The following ZC3H7B variants were observed in gnomAD, a reference collection of about 807,000 sequenced individuals.
The protein encoded by ZC3H7B is zinc finger CCCH domain-containing protein 7B.
Under a neutral mutation model 116.0 loss-of-function variants are expected in ZC3H7B, and 35 were observed. The ratio of observed to expected loss-of-function variants is 0.30; its 90% CI spans 0.23 to 0.40. The LOEUF is 0.40. Among genes scored for constraint, ZC3H7B ranks in the 10% least tolerant of loss-of-function variants. The pLI, the probability that ZC3H7B is intolerant of heterozygous loss-of-function variation, is 1.00. For missense variants in ZC3H7B, 1,011 were observed against 1,321.5 expected, an observed-to-expected ratio of 0.77 and a Z score of 3.64; for synonymous variants, 502 against 545.6, an observed-to-expected ratio of 0.92 and a Z score of 1.11.
intron 15 of ZC3H7B, among the ~76,000 whole-genome samples, chr22:41,348,571 G>T (rs534656346): frequency 9.9e-5 from 15 of 152,278 alleles, no homozygotes; most frequent in South Asian, 2.1e-4. Flanking sequence ...GTGAGGGGAG[G>T]CCTGGGTCAG....
At chr22:41,315,479 C>T (rs777843348) in intron 1 of ZC3H7B, among the ~76,000 whole-genome samples, 1 of 151,758 alleles carries the variant, frequency 6.6e-6, no homozygotes, top group African/African-American at 2.4e-5. Context: ...TAAGCCCAGC[C>T]GTACCTCCCT....
At chr22:41,344,023 T>A (rs2036555846) in intron 13 of ZC3H7B, among the ~76,000 whole-genome samples, 1 of 152,226 alleles carries the variant, frequency 6.6e-6, no homozygotes, top group African/African-American at 2.4e-5. Context: ...TGTCCTCATT[T>A]CTGGCTCACA....
At chr22:41,312,842 T>A (rs1399620053) in intron 1 of ZC3H7B, among the ~76,000 whole-genome samples, 1 of 151,870 alleles carries the variant, frequency 6.6e-6, no homozygotes. Context: ...GCCTGGGAGG[T>A]CGAGTTTGAA....
At chr22:41,308,727 G>A (rs961136332) in intron 1 of ZC3H7B, among the ~76,000 whole-genome samples, 5 of 152,196 alleles carry the variant, frequency 3.3e-5, no homozygotes, top group Non-Finnish European at 5.9e-5. Flanking sequence ...ACACAGCCCT[G>A]GCTCCCGGCA....
intron 6 of ZC3H7B, among the ~76,000 whole-genome samples, chr22:41,331,148 C>T (rs1338495188): frequency 2.7e-5 from 4 of 147,662 alleles, no homozygotes; most frequent in African/African-American, 9.9e-5. Context: ...TGAGCCACCG[C>T]GCCCAGCTGA....
At position 41,339,203 on chromosome 22, in the gene ZC3H7B, C is replaced by T. The variant is rs1601785154; in HGVS notation, c.816+12C>T. 2 of 1,597,998 alleles carry T rather than the reference C, an allele frequency of 1.3e-6. No homozygotes were observed. Among genetic ancestry groups the T allele is most frequent in the South Asian group, 2.3e-5 (2 of 87,994 alleles). On this transcript the variant is annotated intron_variant, in intron 9 of 22. Transcript: ENST00000352645. Reference sequence around the variant, plus strand: ...TCCTGGACTCGCTGGTGAGCCACACCACCCTCCTTGTGCTCCCCTGATCCC... The same window carrying T: ...TCCTGGACTCGCTGGTGAGCCACACTACCCTCCTTGTGCTCCCCTGATCCC...
chr22:41,339,738 C>T (rs1569239346), intron 9 of ZC3H7B, 78 bp from the exon 10 acceptor site: 1 of 1,408,524 alleles, frequency 7.1e-7, no homozygotes, highest in East Asian at 2.3e-5. Flanking sequence ...GGTCTCCTTG[C>T]TTCCCCAAGT....
Position 41,340,096 on chromosome 22 carries a change from G to T in ZC3H7B, c.1097G>T (p.Gly366Val). The change falls in exon 10 of 23, where the codon GGG becomes GTG. Residue 366 changes from glycine to valine, a missense_variant. Around this residue, in one of 5 missense-constraint regions of ZC3H7B, gnomAD observed 99 missense variants for 89.5 expected, o/e 1.11. Coordinates refer to ENST00000352645, the MANE Select transcript of ZC3H7B (RefSeq NM_017590.6). ...CGGCTGGATGCACTCGACAGCTTTG[G>T]GTCGACACGAGGCTCCCTGGACAAA... ...ETRLDALDSF[G>V]STRGSLDKPD... is the part of the protein sequence containing the mutation. 6.2e-7 allele frequency: 1 copy of T among 1,611,540 alleles called. No homozygotes were observed. Among genetic ancestry groups the T allele is most frequent in the Non-Finnish European group, 8.5e-7 (1 of 1,179,570 alleles).
At position 41,325,780 on chromosome 22, in the gene ZC3H7B, G is replaced by A; in HGVS notation, c.147G>A (p.Glu49=). The A allele has an allele frequency of 6.2e-7, 1 of 1,613,998 alleles. No individual in the cohort carries two copies. The highest frequency in any genetic ancestry group is 8.5e-7 in the Non-Finnish European group (1 of 1,180,020). The change falls in exon 4 of 23, where the codon GAG becomes GAA. Residue 49 remains glutamate (E), a synonymous_variant. Transcript: ENST00000352645. ...CTGAGGGCAATGATCTGTTCCGGGA[G>A]AAGGACTATAAGCAGGCTCTGGTGC... ...LFAEGNDLFR[E]KDYKQALVQY...
intron 17 of ZC3H7B, among the ~76,000 whole-genome samples, chr22:41,354,192 C>T (rs745373378): frequency 1.1e-3 from 161 of 152,320 alleles, no homozygotes; most frequent in Non-Finnish European, 2.0e-3. Flanking sequence ...ACCATACCCT[C>T]GGTGCCCCCT....
intron 17 of ZC3H7B, among the ~76,000 whole-genome samples, chr22:41,354,344 C>T (rs2036687122): frequency 6.6e-6 from 1 of 152,224 alleles, no homozygotes; most frequent in Non-Finnish European, 1.5e-5. Context: ...AAGGCATGAC[C>T]TCACCTTATC....
intron 2 of ZC3H7B, among the ~76,000 whole-genome samples, chr22:41,323,199 C>T (rs1302171389): frequency 6.6e-6 from 1 of 152,218 alleles, no homozygotes; most frequent in Non-Finnish European, 1.5e-5. Flanking sequence ...ACCTTGCTGC[C>T]ATGGCTGGGA....
In ZC3H7B at chr22:41,342,624, G is replaced by A. The variant is rs376493036; in HGVS notation, c.1293G>A (p.Lys431=). The change falls in exon 12 of 23, where the codon AAG becomes AAA. Residue 431 remains lysine (K), a synonymous_variant. Transcript: ENST00000352645. ...FKQACQLCYP[K]TGPRAGDYTY... is the part of the protein sequence containing the mutation. ...AGGCCTGCCAGCTCTGCTACCCCAA[G>A]ACAGGTAAACTTTCACCTGTAGACT... is the stretch of plus-strand genomic sequence containing the variant. The A allele has an allele frequency of 1.1e-5, 17 of 1,611,648 alleles. No homozygotes were observed. The African/African-American group carries it at 2.0e-4, about 19-fold the overall frequency.
Position 41,356,199 on chromosome 22 carries a change from G to C in ZC3H7B, c.2383+137G>C, listed in dbSNP as rs2036714951. On this transcript the variant is annotated intron_variant, in intron 20 of 22. Coordinates refer to ENST00000352645, the MANE Select transcript of ZC3H7B (RefSeq NM_017590.6). Reference sequence around the variant, plus strand: ...CCCTTCTCCACCTGCCCCATGCCGGGCCCTCTCTGAGGCCAGGCCCTGAGG... The same window carrying C: ...CCCTTCTCCACCTGCCCCATGCCGGCCCCTCTCTGAGGCCAGGCCCTGAGG... 6.0e-6 allele frequency: 9 copies of C among 1,487,814 alleles called. No homozygotes were observed. The South Asian group carries it at 1.2e-4, about 20-fold the overall frequency. The allele number at this position is 1,487,814 out of a possible 1,614,324, so 92.2% of individuals were successfully genotyped here.
chr22:41,349,162 C>A lies in ZC3H7B; in HGVS notation c.1809C>A (p.Ser603=). ...HIVRSTSLKY[S]KIRQFQEHFQ... is the part of the protein sequence containing the mutation. The stretch of plus-strand genomic sequence containing the variant: ...TCCGCTCCACCTCCCTCAAGTACTC[C>A]AAGATCCGCCAGTTCCAGGAGCACT... Residue 603 remains serine, a synonymous_variant, in exon 16 of 23, where the codon TCC becomes TCA. Coordinates refer to ENST00000352645, the MANE Select transcript of ZC3H7B (RefSeq NM_017590.6). The surrounding 1 kb of genome is among the most constrained non-coding windows in gnomAD (Gnocchi z 4.9). The A allele has an allele frequency of 6.2e-7, 1 of 1,613,832 alleles. No individual in the cohort carries two copies. Among genetic ancestry groups the A allele is most frequent in the Middle Eastern group, 1.6e-4 (1 of 6,062 alleles).
Position 41,327,149 on chromosome 22 carries a change from C to T in ZC3H7B, c.286-57C>T. The T allele has an allele frequency of 2.5e-6, 4 of 1,594,226 alleles. No homozygotes were observed. The highest frequency in any genetic ancestry group is 3.4e-6 in the Non-Finnish European group (4 of 1,168,704). On this transcript the variant is annotated intron_variant, in intron 4 of 22. Transcript: ENST00000352645. The surrounding 1 kb of genome is among the most constrained non-coding windows in gnomAD (Gnocchi z 4.5). Reference sequence around the variant, plus strand: ...TTCCTTCCTAGGCAGGGGCAGGAGGCCTGGGGGAGGGAGGGTAACAGGTGT... The same window carrying T: ...TTCCTTCCTAGGCAGGGGCAGGAGGTCTGGGGGAGGGAGGGTAACAGGTGT...
chr22:41,321,977 C>T (rs1166380801), intron 2 of ZC3H7B, among the ~76,000 whole-genome samples: 20 of 145,152 alleles, frequency 1.4e-4, no homozygotes, highest in Non-Finnish European at 2.9e-4. Flanking sequence ...GTAGCTGGGA[C>T]TACAGGCGCC....
intron 1 of ZC3H7B, among the ~76,000 whole-genome samples, chr22:41,312,453 T>C (rs1463293155): frequency 6.6e-6 from 1 of 150,942 alleles, no homozygotes; most frequent in Non-Finnish European, 1.5e-5. Flanking sequence ...ATAATAATAA[T>C]AATAATAATA....
chr22:41,350,231 G>A (rs1408468533), intron 16 of ZC3H7B, among the ~76,000 whole-genome samples: 2 of 152,200 alleles, frequency 1.3e-5, no homozygotes, highest in African/African-American at 2.4e-5. Flanking sequence ...TGGTCCCTGG[G>A]GGTAGAGCAG....
Sources: allele counts gnomAD v4.1 joint callset (sites outside exome capture counted in the v4.1 genomes callset), GRCh38; gene constraint gnomAD v4.1.1; regional missense constraint gnomAD v4.1.1; non-coding constraint Gnocchi (gnomAD v3.1); transcripts MANE v1.5; gene names NCBI Gene and HGNC (gene_info 2026-07-23, HGNC 2026-07-21).